Variants in CNTN4 observed in about 807,000 individuals in gnomAD.
CNTN4 encodes contactin-4.
In CNTN4, 77 loss-of-function variants were observed where a neutral mutation model predicts 122.5. The ratio of observed to expected loss-of-function variants is 0.63; its 90% CI spans 0.52 to 0.76. The LOEUF (loss-of-function observed/expected upper bound fraction) is 0.76. Among genes scored for constraint, CNTN4 ranks in the 30% least tolerant of loss-of-function variants. The probability of loss-of-function intolerance (pLI) is 0.00; values close to 1 mark genes in which losing one functional copy is unlikely to be tolerated. For synonymous variants in CNTN4, 512 were observed against 447.0 expected (o/e 1.15, Z -1.83); for missense variants, 1,256 against 1,259.1 (o/e 1.00, Z 0.04).
chr3:2,745,605 C>T lies in CNTN4; in HGVS notation c.266C>T (p.Pro89Leu). Residue 89 changes from proline (P) to leucine (L), a missense_variant, in exon 6 of 25, where the codon CCC becomes CTC. Coordinates refer to ENST00000418658, the MANE Select transcript of CNTN4 (RefSeq NM_175607.3). ...GAAGGGAGCTTGTTGATCAATAACC[C>T]CAATAAAACCCAAGATGCTGGAACG... is the stretch of plus-strand genomic sequence containing the variant. Reference protein sequence around the residue: ...VVEGSLLINNPNKTQDAGTYQ... With the variant: ...VVEGSLLINNLNKTQDAGTYQ... The T allele has an allele frequency of 6.2e-7, 1 of 1,614,054 alleles. No individual in the cohort carries two copies. The highest frequency in any genetic ancestry group is 2.2e-5 in the East Asian group (1 of 44,874).
At chr3:2,380,065 A>G (rs1307494211) in intron 3 of CNTN4, among the ~76,000 whole-genome samples, 1 of 151,844 alleles carries the variant, frequency 6.6e-6, no homozygotes, top group African/African-American at 2.4e-5. Flanking sequence ...CTCAAAAAAA[A>G]AAAAAAAAAA....
intron 3 of CNTN4, among the ~76,000 whole-genome samples, chr3:2,393,731 G>A (rs1437414013): frequency 6.6e-6 from 1 of 152,068 alleles, no homozygotes; most frequent in Non-Finnish European, 1.5e-5. Flanking sequence ...GAGAAGATAA[G>A]TTATATACCT....
In CNTN4 at chr3:2,805,060, C is replaced by T. The variant is rs549672883; in HGVS notation, c.359-14426C>T. Among the ~76,000 whole-genome samples, 95 of 152,148 alleles carry T rather than the reference C, an allele frequency of 6.2e-4. 1 individual carries two copies. Among genetic ancestry groups the T allele is most frequent in the African/African-American group, 2.1e-3 (89 of 41,534 alleles). On this transcript the variant is annotated intron_variant, in intron 6 of 24. Transcript: ENST00000418658. ...GGCATGGTGGCAGGAGCTTGTAATCCCAGCTACTTGGGAGGCTGAGGCACG... is the reference window on the plus strand; with the variant it reads ...GGCATGGTGGCAGGAGCTTGTAATCTCAGCTACTTGGGAGGCTGAGGCACG...
chr3:2,198,204 C>T (rs1048244031), intron 2 of CNTN4, among the ~76,000 whole-genome samples: 5 of 152,154 alleles, frequency 3.3e-5, no homozygotes, highest in African/African-American at 1.2e-4. Context: ...CTTGCTAATG[C>T]TCCTTGGAAA....
intron 6 of CNTN4, among the ~76,000 whole-genome samples, chr3:2,813,818 C>T (rs886623421): frequency 1.3e-5 from 2 of 152,252 alleles, no homozygotes; most frequent in East Asian, 1.9e-4. Flanking sequence ...ACAAAAAATA[C>T]GTGGACATTT....
intron 2 of CNTN4, among the ~76,000 whole-genome samples, chr3:2,335,274 T>A (rs1171119614): frequency 6.6e-6 from 1 of 151,582 alleles, no homozygotes; most frequent in Non-Finnish European, 1.5e-5. Context: ...GGATTGAACA[T>A]GGAAAGTTTA....
At chr3:2,256,918 C>G (rs1281725676) in intron 2 of CNTN4, among the ~76,000 whole-genome samples, 3 of 152,110 alleles carry the variant, frequency 2.0e-5, no homozygotes, top group Admixed American at 6.6e-5. Context: ...TGACTTTCTT[C>G]ACATAAACAG....
intron 3 of CNTN4, among the ~76,000 whole-genome samples, chr3:2,502,974 A>T (rs2076636323): frequency 6.6e-6 from 1 of 152,184 alleles, no homozygotes; most frequent in South Asian, 2.1e-4. Flanking sequence ...CACATATACA[A>T]TAAAAATTCA....
intron 3 of CNTN4, among the ~76,000 whole-genome samples, chr3:2,384,316 G>T (rs961036509): frequency 3.9e-5 from 6 of 152,080 alleles, no homozygotes; most frequent in African/African-American, 1.4e-4. Flanking sequence ...TATGAATCCT[G>T]GCTTAAGTTG....
intron 6 of CNTN4, among the ~76,000 whole-genome samples, chr3:2,770,032 TTTG>T (rs760253376): frequency 0.012 from 1,576 of 135,578 alleles, 17 homozygotes; most frequent in African/African-American, 0.028. Context: ...TGTTTGTTTG[TTTG>T]TTTTTTTTTT....
chr3:2,614,066 C>CA (rs1256400011), intron 4 of CNTN4, among the ~76,000 whole-genome samples: 1 of 152,044 alleles, frequency 6.6e-6, no homozygotes, highest in Non-Finnish European at 1.5e-5. Context: ...TCAACAAAAA[C>CA]AAAAAATGTG....
Position 2,772,876 on chromosome 3 carries a change from G to A in CNTN4, c.358+27179G>A, listed in dbSNP as rs75276966. 4.7e-4 allele frequency among the ~76,000 whole-genome samples: 71 copies of A among 152,290 alleles called. No individual in the cohort carries two copies. In the East Asian group the frequency reaches 0.012, roughly 26 times the overall value. On this transcript the variant is annotated intron_variant, in intron 6 of 24. Coordinates refer to ENST00000418658, the MANE Select transcript of CNTN4 (RefSeq NM_175607.3). Reference sequence around the variant, plus strand: ...GTTTGAAGGGTAGGTGAAGTTGAAAGAGCCCTCAAAAGAGACTAAGAGGGA... The same window carrying A: ...GTTTGAAGGGTAGGTGAAGTTGAAAAAGCCCTCAAAAGAGACTAAGAGGGA...
At chr3:2,627,765 T>G (rs190022944) in intron 4 of CNTN4, among the ~76,000 whole-genome samples, 292 of 152,270 alleles carry the variant, frequency 1.9e-3, no homozygotes, top group Non-Finnish European at 2.8e-3. Context: ...AGTGCTGGGA[T>G]TACAGGCGTG....
At position 2,229,437 on chromosome 3, in the gene CNTN4, A is replaced by T. The variant is rs2039403547; in HGVS notation, c.-144-109741A>T. On this transcript the variant is annotated intron_variant, in intron 2 of 24. Coordinates refer to ENST00000418658, the MANE Select transcript of CNTN4 (RefSeq NM_175607.3). Reference sequence around the variant, plus strand: ...TGTTAGGTAAAATGCATTTCAGTTCATAAAAGTCATGAGGCTTCTTGAATA... The same window carrying T: ...TGTTAGGTAAAATGCATTTCAGTTCTTAAAAGTCATGAGGCTTCTTGAATA... Among the ~76,000 whole-genome samples, 8 of 152,306 alleles carry T rather than the reference A, an allele frequency of 5.3e-5. No homozygotes were observed. The South Asian group carries it at 1.7e-3, about 32-fold the overall frequency.
At chr3:2,682,991 C>T (rs987370742) in intron 4 of CNTN4, among the ~76,000 whole-genome samples, 1 of 152,124 alleles carries the variant, frequency 6.6e-6, no homozygotes, top group Non-Finnish European at 1.5e-5. Context: ...ATACCAATCA[C>T]TGACCCCATC....
intron 2 of CNTN4, among the ~76,000 whole-genome samples, chr3:2,197,676 T>A (rs2037908727): frequency 6.6e-6 from 1 of 152,082 alleles, no homozygotes; most frequent in Non-Finnish European, 1.5e-5. Context: ...AATACCAGTC[T>A]TGTGAAAAAA....
chr3:2,995,501 G>C (rs1182813109), intron 14 of CNTN4, among the ~76,000 whole-genome samples: 1 of 152,152 alleles, frequency 6.6e-6, no homozygotes, highest in African/African-American at 2.4e-5. Context: ...CCTTGGTCTA[G>C]AGGGAAGATG....
At chr3:3,027,230 A>G (rs186988207) in intron 15 of CNTN4, among the ~76,000 whole-genome samples, 1 of 152,320 alleles carries the variant, frequency 6.6e-6, no homozygotes, top group African/African-American at 2.4e-5. Context: ...GAGTCACAGA[A>G]TGCCCAAAAC....
chr3:2,779,716 T>C (rs1184330361), intron 6 of CNTN4, among the ~76,000 whole-genome samples: 3 of 152,160 alleles, frequency 2.0e-5, no homozygotes, highest in African/African-American at 4.8e-5. Flanking sequence ...CCTTGTGACA[T>C]CACATGGGCA....
Sources: allele counts gnomAD v4.1 joint callset (sites outside exome capture counted in the v4.1 genomes callset), GRCh38; gene constraint gnomAD v4.1.1; transcripts MANE v1.5; gene names NCBI Gene and HGNC (gene_info 2026-07-23, HGNC 2026-07-21).